BLM: variants seen among roughly 807,000 people sequenced by gnomAD.
The protein encoded by BLM is recQ-like DNA helicase BLM.
BLM carries 95 observed loss-of-function variants against 135.3 expected under a neutral mutation model. That is an observed-to-expected ratio of 0.70 (90% CI 0.59 to 0.83). The LOEUF is 0.83. BLM is among the 40% of genes least tolerant of loss of function. The probability of loss-of-function intolerance (pLI) is 0.00; values close to 1 mark genes in which losing one functional copy is unlikely to be tolerated. For missense variants in BLM, 1,518 were observed against 1,663.9 expected, an observed-to-expected ratio of 0.91 and a Z score of 1.53; for synonymous variants, 520 against 589.2, an observed-to-expected ratio of 0.88 and a Z score of 1.70.
At chr15:90,738,970 A>T (rs559234623) in intron 1 of BLM, among the ~76,000 whole-genome samples, 1 of 152,346 alleles carries the variant, frequency 6.6e-6, no homozygotes, top group Non-Finnish European at 1.5e-5. Flanking sequence ...AGCAATTCTC[A>T]AAAAGATATT....
At chr15:90,804,590 A>G (rs892388019) in intron 19 of BLM, among the ~76,000 whole-genome samples, 4 of 152,032 alleles carry the variant, frequency 2.6e-5, no homozygotes, top group Non-Finnish European at 5.9e-5. Flanking sequence ...CAATTTCCCA[A>G]GTAGCTGGGA....
chr15:90,790,849 G>C lies in BLM; in HGVS notation c.3019+5G>C. The C allele has an allele frequency of 6.2e-7, 1 of 1,611,474 alleles. No individual in the cohort carries two copies. The highest frequency in any genetic ancestry group is 8.5e-7 in the Non-Finnish European group (1 of 1,177,680). ...GACTGAAAAGACTTATAATGAGTAA[G>C]CTGGGCTCCATTGTAGAGACATTCT... On this transcript the variant is annotated splice_donor_5th_base_variant and intron_variant, in intron 15 of 21. Coordinates refer to ENST00000355112, the MANE Select transcript of BLM (RefSeq NM_000057.4).
intron 20 of BLM, among the ~76,000 whole-genome samples, chr15:90,810,606 C>A (rs1251985733): frequency 2.0e-5 from 3 of 152,206 alleles, no homozygotes. Context: ...AAATTACCAT[C>A]TTCTTTGCAA....
intron 14 of BLM, chr15:90,790,382 T>A: frequency 2.1e-6 from 1 of 469,926 alleles, no homozygotes; most frequent in Non-Finnish European, 3.9e-6. Flanking sequence ...TCTGGCTCTC[T>A]TACATGAGAA....
intron 3 of BLM, among the ~76,000 whole-genome samples, chr15:90,751,152 G>T (rs1417657408): frequency 2.0e-5 from 3 of 152,132 alleles, no homozygotes; most frequent in Non-Finnish European, 4.4e-5. Flanking sequence ...ACCCACATGG[G>T]GAAGTAACTC....
At chr15:90,797,414 C>CAACAAAAAAAAAAAAAA (rs1897054654) in intron 16 of BLM, among the ~76,000 whole-genome samples, 1 of 109,576 alleles carries the variant, frequency 9.1e-6, no homozygotes, top group Non-Finnish European at 1.8e-5. Flanking sequence ...AACTCCATCT[C>CAACAAAAAAAAAAAAAA]AAAAAAAAAA....
In BLM at chr15:90,804,124, T is replaced by C. The variant is rs892809845; in HGVS notation, c.3559-43T>C. ...AATAAAGCCCCTGTATGGGTACAAG[T>C]GCACATATACCCACTCCTATGATTT... On this transcript the variant is annotated intron_variant, in intron 18 of 21. Coordinates refer to ENST00000355112, the MANE Select transcript of BLM (RefSeq NM_000057.4). The C allele has an allele frequency of 2.6e-6, 4 of 1,560,788 alleles. No individual in the cohort carries two copies. In the East Asian group the frequency reaches 6.8e-5, roughly 26 times the overall value.
At chr15:90,772,793 G>A (rs1339644091) in intron 12 of BLM, among the ~76,000 whole-genome samples, 3 of 152,084 alleles carry the variant, frequency 2.0e-5, no homozygotes, top group South Asian at 2.1e-4. Flanking sequence ...CATTGTAGGA[G>A]GAGTAGTTTA....
intron 4 of BLM, 46 bp downstream of exon 4, chr15:90,751,992 T>C: frequency 6.7e-7 from 1 of 1,484,264 alleles, no homozygotes; most frequent in Non-Finnish European, 9.4e-7. Flanking sequence ...TCTGGGATAC[T>C]TTAAATTGTT....
chr15:90,805,995 A>G (rs946980273), intron 19 of BLM, among the ~76,000 whole-genome samples: 1 of 152,094 alleles, frequency 6.6e-6, no homozygotes, highest in African/African-American at 2.4e-5. Context: ...GATTACAGGC[A>G]TGCGCCCACC....
intron 9 of BLM, among the ~76,000 whole-genome samples, chr15:90,766,527 C>A (rs891849681): frequency 6.6e-6 from 1 of 152,076 alleles, no homozygotes; most frequent in African/African-American, 2.4e-5. Flanking sequence ...TCCCAAGCTC[C>A]AGCAATTTTC....
At chr15:90,743,668 T>A (rs2099813446) in intron 1 of BLM, among the ~76,000 whole-genome samples, 1 of 152,126 alleles carries the variant, frequency 6.6e-6, no homozygotes, top group Admixed American at 6.5e-5. Context: ...GCCTCCTGAG[T>A]AGCTGAGACT....
At chr15:90,808,825 G>A in intron 19 of BLM, 3 of 448,990 alleles carry the variant, frequency 6.7e-6, no homozygotes, top group Non-Finnish European at 1.2e-5. Flanking sequence ...CATGGGAACA[G>A]TGGGCAAGAG....
intron 1 of BLM, among the ~76,000 whole-genome samples, chr15:90,735,635 C>T (rs1895194516): frequency 6.6e-6 from 1 of 151,970 alleles, no homozygotes; most frequent in African/African-American, 2.4e-5. Context: ...CTTGAAAAAA[C>T]AAAATTATAT....
chr15:90,771,865 C>T (rs1333260689), intron 12 of BLM, among the ~76,000 whole-genome samples: 64 of 152,082 alleles, frequency 4.2e-4, no homozygotes, highest in Non-Finnish European at 1.5e-5. Flanking sequence ...TTTGAGTAAA[C>T]AGTGTACATA....
chr15:90,811,203 A>G lies in BLM; in HGVS notation c.3875-2A>G, dbSNP rs150421256. ...GTAAACATCTGCATTTTCCATTTGTAGCTGAAGACAGTTCCCCAGGGATAA... is the reference window on the plus strand; with the variant it reads ...GTAAACATCTGCATTTTCCATTTGTGGCTGAAGACAGTTCCCCAGGGATAA... On this transcript the variant is annotated splice_acceptor_variant, in intron 20 of 21. Coordinates refer to ENST00000355112, the MANE Select transcript of BLM (RefSeq NM_000057.4). LOFTEE classifies it high-confidence loss of function. 3 of 1,612,912 alleles carry G rather than the reference A, an allele frequency of 1.9e-6. No homozygotes were observed. The highest frequency in any genetic ancestry group is 2.5e-6 in the Non-Finnish European group (3 of 1,180,022).
At chr15:90,769,896 A>AT (rs1165166937) in intron 12 of BLM, among the ~76,000 whole-genome samples, 1 of 152,134 alleles carries the variant, frequency 6.6e-6, no homozygotes, top group African/African-American at 2.4e-5. Flanking sequence ...ATTGCATGCC[A>AT]TATCTATCAT....
intron 12 of BLM, among the ~76,000 whole-genome samples, chr15:90,774,387 TA>T (rs1270861752): frequency 6.6e-6 from 1 of 152,014 alleles, no homozygotes; most frequent in Non-Finnish European, 1.5e-5. Flanking sequence ...CATCATTTTA[TA>T]TTACCTTCAG....
intron 1 of BLM, among the ~76,000 whole-genome samples, chr15:90,722,005 A>C (rs1894779107): frequency 6.6e-6 from 1 of 150,420 alleles, no homozygotes; most frequent in Non-Finnish European, 1.5e-5. Context: ...CTGGAAACCA[A>C]GAGTTAAAGT....
Sources: allele counts gnomAD v4.1 joint callset (sites outside exome capture counted in the v4.1 genomes callset), GRCh38; gene constraint gnomAD v4.1.1; transcripts MANE v1.5; gene names NCBI Gene and HGNC (gene_info 2026-07-23, HGNC 2026-07-21).